The following LMNA variants were observed in gnomAD, a reference collection of about 807,000 sequenced individuals.
LMNA encodes lamin A/C, also known as lamin.
Under a neutral mutation model 70.4 loss-of-function variants are expected in LMNA, and 20 were observed. The ratio of observed to expected loss-of-function variants is 0.28; its 90% CI spans 0.20 to 0.41. The LOEUF is 0.41. Ranked by LOEUF, LMNA falls within the 10% of genes least tolerant of loss-of-function variation. LMNA has a pLI of 1.00. For missense variants in LMNA, 652 were observed against 917.2 expected (o/e 0.71, Z 3.73); for synonymous variants, 339 against 372.8 (o/e 0.91, Z 1.04).
intron 3 of LMNA, among the ~76,000 whole-genome samples, chr1:156,091,276 A>C (rs1488285470): frequency 1.3e-5 from 2 of 152,166 alleles, no homozygotes; most frequent in African/African-American, 4.8e-5. Context: ...GTCTGAAGGG[A>C]AATAATAATA....
chr1:156,084,998 G>T (rs2102784116), intron 2 of LMNA, among the ~76,000 whole-genome samples: 1 of 152,330 alleles, frequency 6.6e-6, no homozygotes, highest in South Asian at 2.1e-4. Flanking sequence ...GGTGGGCGAG[G>T]CAGGGTCCCT....
upstream of LMNA, among the ~76,000 whole-genome samples, chr1:156,113,529 A>G (rs1649619442): frequency 6.6e-6 from 1 of 152,148 alleles, no homozygotes; most frequent in Non-Finnish European, 1.5e-5. Context: ...CAGCTGCAGA[A>G]TGGACCTGGC....
chr1:156,106,127 T>A (rs1558111927), intron 3 of LMNA, among the ~76,000 whole-genome samples: 1 of 145,802 alleles, frequency 6.9e-6, no homozygotes, highest in Non-Finnish European at 1.5e-5. Flanking sequence ...ACAGCGAGAC[T>A]CCGTCTCAAA....
chr1:156,128,255 T>C (rs1444928512), intron 1 of LMNA, among the ~76,000 whole-genome samples: 1 of 152,124 alleles, frequency 6.6e-6, no homozygotes, highest in African/African-American at 2.4e-5. Flanking sequence ...ACCACCGCTT[T>C]TGCAAGCAGC....
At chr1:156,130,112 A>G (rs1037078195) in intron 1 of LMNA, among the ~76,000 whole-genome samples, 3 of 152,148 alleles carry the variant, frequency 2.0e-5, no homozygotes, top group African/African-American at 7.2e-5. Context: ...AAAAGGGACT[A>G]GGAGAGGTGA....
chr1:156,127,091 C>A (rs941706158), intron 1 of LMNA: 1 of 648,440 alleles, frequency 1.5e-6, no homozygotes, highest in Non-Finnish European at 2.6e-6. Flanking sequence ...CTGATGCCAA[C>A]CCCCAGTGGA....
upstream of LMNA, among the ~76,000 whole-genome samples, chr1:156,113,158 G>C (rs371978231): frequency 6.6e-6 from 1 of 152,134 alleles, no homozygotes; most frequent in East Asian, 1.9e-4. Flanking sequence ...AAAAAAATTA[G>C]CTGGGCTTGG....
chr1:156,085,039 C>A (rs577622971), intron 2 of LMNA, among the ~76,000 whole-genome samples: 1 of 152,238 alleles, frequency 6.6e-6, no homozygotes, highest in Non-Finnish European at 1.5e-5. Context: ...GACCCACCAA[C>A]AAGAATGAAT....
rs779749639 is a variant in LMNA, at chr1:156,136,016, G to A, written c.1052G>A (p.Arg351Lys). 1.2e-6 allele frequency: 2 copies of A among 1,614,168 alleles called. No homozygotes were observed. The highest frequency in any genetic ancestry group is 4.5e-5 in the East Asian group (2 of 44,884). Residue 351 changes from arginine to lysine, a missense_variant, in exon 6 of 12, where the codon AGG (arginine) becomes AAG (lysine). Physicochemically the swap from Arg to Lys is conservative, Grantham distance 26. Coordinates refer to ENST00000368300, the MANE Select transcript of LMNA (RefSeq NM_170707.4). This position sits in a 1 kb window ranked among gnomAD's most constrained non-coding sequence, Gnocchi z 6.1. ...KEREMAEMRARMQQQLDEYQE... is the reference protein window; with the variant it reads ...KEREMAEMRAKMQQQLDEYQE... ...CGGGAGATGGCCGAGATGCGGGCAAGGATGCAGCAGCAGCTGGACGAGTAC... is the reference window on the plus strand; with the variant it reads ...CGGGAGATGGCCGAGATGCGGGCAAAGATGCAGCAGCAGCTGGACGAGTAC...
At chr1:156,084,083 G>T (rs1383133898) in intron 2 of LMNA, among the ~76,000 whole-genome samples, 2 of 151,906 alleles carry the variant, frequency 1.3e-5, no homozygotes, top group Non-Finnish European at 2.9e-5. Context: ...TATAATAGTG[G>T]GTGGGTGAGC....
At chr1:156,101,414 C>T (rs575840387) in intron 3 of LMNA, among the ~76,000 whole-genome samples, 1 of 152,174 alleles carries the variant, frequency 6.6e-6, no homozygotes, top group East Asian at 1.9e-4. Context: ...ATCACTTGAG[C>T]CCATGAATTT....
Position 156,115,337 on chromosome 1 carries a change from C to T in LMNA, c.356+63C>T. The T allele has an allele frequency of 6.9e-7, 1 of 1,450,066 alleles. No individual in the cohort carries two copies. Among genetic ancestry groups the T allele is most frequent in the Non-Finnish European group, 9.4e-7 (1 of 1,063,508 alleles). 89.8% of individuals were successfully genotyped at this position (1,450,066 alleles called of 1,614,324 possible). On this transcript the variant is annotated intron_variant, in intron 1 of 11. Transcript: ENST00000368300. This position sits in a 1 kb window ranked among gnomAD's most constrained non-coding sequence, Gnocchi z 5.8. ...TGGAGAGGGCGGCGGGCCGGCGCCC[C>T]TGGCCGGCCGCAGGAAGGGAGTGAG...
Position 156,139,927 on chromosome 1 carries a change from G to T in LMNA, c.*821G>T. On this transcript the variant is annotated 3_prime_UTR_variant, in exon 12 of 12. Coordinates refer to ENST00000368300, the MANE Select transcript of LMNA (RefSeq NM_170707.4). ...GGAGGGAGAGGGAGGTCACTGGAAA[G>T]GGGAGAGCCTGCTGGCACCCACCGT... 1 of 1,241,058 alleles carries T rather than the reference G, an allele frequency of 8.1e-7. No homozygotes were observed. Among genetic ancestry groups the T allele is most frequent in the Non-Finnish European group, 1.1e-6 (1 of 928,692 alleles). 76.9% of individuals were successfully genotyped at this position (1,241,058 alleles called of 1,614,324 possible). A position where few individuals can be genotyped will look rare whatever the true frequency, so the allele number is the denominator to read the frequency against.
intron 3 of LMNA, among the ~76,000 whole-genome samples, chr1:156,108,698 G>A (rs927305923): frequency 7.9e-5 from 12 of 152,050 alleles, no homozygotes; most frequent in South Asian, 6.2e-4. Context: ...TTCAGGAGGT[G>A]CAGGTTGCAG....
At chr1:156,126,200 G>A (rs1650561570) in intron 1 of LMNA, 3 of 1,527,226 alleles carry the variant, frequency 2.0e-6, no homozygotes, top group Non-Finnish European at 2.6e-6. Flanking sequence ...TGTGCTGCCT[G>A]GCAATGGGGA....
chr1:156,104,568 T>A (rs1649255328), intron 3 of LMNA, among the ~76,000 whole-genome samples: 1 of 152,024 alleles, frequency 6.6e-6, no homozygotes, highest in Admixed American at 6.6e-5. Context: ...CCACTCATCC[T>A]CTGTGCCCAG....
At chr1:156,104,376 G>A (rs1649248932) in intron 3 of LMNA, among the ~76,000 whole-genome samples, 1 of 152,120 alleles carries the variant, frequency 6.6e-6, no homozygotes, top group Non-Finnish European at 1.5e-5. Flanking sequence ...ACAGGATCTG[G>A]GGCTGGAGCA....
chr1:156,133,354 C>T (rs1432373078), intron 2 of LMNA, among the ~76,000 whole-genome samples: 2 of 151,848 alleles, frequency 1.3e-5, no homozygotes, highest in South Asian at 2.1e-4. Context: ...GGGCAGATCA[C>T]GAGGTCAGGA....
At chr1:156,124,350 G>A (rs991515128) in intron 1 of LMNA, among the ~76,000 whole-genome samples, 3 of 151,980 alleles carry the variant, frequency 2.0e-5, no homozygotes, top group African/African-American at 7.2e-5. Flanking sequence ...ATGCAGTGGC[G>A]CGATCTTGGC....
Sources: gnomAD v4.1 joint callset for allele counts (sites outside exome capture counted in the v4.1 genomes callset) on GRCh38, gnomAD v4.1.1 for gene constraint, Gnocchi (gnomAD v3.1) non-coding constraint, MANE v1.5 for transcripts, NCBI Gene and HGNC (gene_info 2026-07-23, HGNC 2026-07-21) for gene names.